Variants in LYZL1 observed in about 807,000 individuals in gnomAD.
The protein encoded by LYZL1 is lysozyme like 1.
Under a neutral mutation model 17.9 loss-of-function variants are expected in LYZL1, and 16 were observed. That is an observed-to-expected ratio of 0.90 (90% confidence interval 0.61 to 1.36). The LOEUF is 1.36. LYZL1 is among the 40% of genes most tolerant of loss of function. The pLI is 0.00. For synonymous variants in LYZL1, 58 were observed against 71.8 expected (o/e 0.81, Z 0.97); for missense variants, 149 against 188.4 (o/e 0.79, Z 1.22).
intron 1 of LYZL1, among the ~76,000 whole-genome samples, chr10:29,289,864 G>C (rs2429504): frequency 0.63 from 96,020 of 152,030 alleles, 30,514 homozygotes; most frequent in East Asian, 0.8. Context: ...CACAATTACT[G>C]AACTCTGCCA....
chr10:29,293,134 C>CTTTTTTTTTTTTT (rs11453474), intron 3 of LYZL1, among the ~76,000 whole-genome samples: 11 of 121,038 alleles, frequency 9.1e-5, no homozygotes, highest in East Asian at 4.8e-4. Flanking sequence ...TTTCTTTTTT[C>CTTTTTTTTTTTTT]TTTTTTTTTT....
At chr10:29,296,451 C>T (rs907083939) in intron 3 of LYZL1, among the ~76,000 whole-genome samples, 1 of 152,178 alleles carries the variant, frequency 6.6e-6, no homozygotes, top group African/African-American at 2.4e-5. Flanking sequence ...TTAAAGTTCA[C>T]TTAAGGAGTA....
At chr10:29,293,208 T>C (rs560278129) in intron 3 of LYZL1, among the ~76,000 whole-genome samples, 3 of 143,280 alleles carry the variant, frequency 2.1e-5, no homozygotes, top group African/African-American at 7.5e-5. Flanking sequence ...TCATAGCTCA[T>C]TGCAGTCTTG....
intron 3 of LYZL1, among the ~76,000 whole-genome samples, chr10:29,304,912 A>G (rs1347097449): frequency 6.6e-6 from 1 of 152,166 alleles, no homozygotes; most frequent in African/African-American, 2.4e-5. Context: ...GGAGACAAAC[A>G]ACTGTACTCG....
intron 3 of LYZL1, 83 bp downstream of exon 3, chr10:29,292,760 T>C: frequency 6.5e-7 from 1 of 1,530,234 alleles, no homozygotes; most frequent in African/African-American, 1.4e-5. Flanking sequence ...TGTCTTGCTT[T>C]AACTAAAATT....
downstream of LYZL1, among the ~76,000 whole-genome samples, chr10:29,312,293 C>A (rs59422347): frequency 0.084 from 12,717 of 152,152 alleles, 614 homozygotes; most frequent in South Asian, 0.13. Flanking sequence ...TTGTCAAACC[C>A]ATGGCCTATG....
chr10:29,317,141 A>G (rs867797906), intron 3 of LYZL1, among the ~76,000 whole-genome samples: 17 of 152,180 alleles, frequency 1.1e-4, no homozygotes, highest in African/African-American at 4.1e-4. Context: ...CACATGACAC[A>G]TAGGAACAGC....
intron 3 of LYZL1, among the ~76,000 whole-genome samples, chr10:29,308,196 A>T (rs1235387925): frequency 1.3e-5 from 2 of 152,220 alleles, no homozygotes; most frequent in Non-Finnish European, 2.9e-5. Flanking sequence ...ATGAGCAGAC[A>T]GTACCTGCCA....
intron 1 of LYZL1, among the ~76,000 whole-genome samples, chr10:29,291,370 GGTGGAGGA>G (rs1181563503): frequency 2.6e-5 from 4 of 151,768 alleles, no homozygotes; most frequent in African/African-American, 9.7e-5. Context: ...AGCAGGCTGA[GGTGGAGGA>G]GGAAGAGGAG....
chr10:29,308,680 G>A (rs116455558), intron 3 of LYZL1, among the ~76,000 whole-genome samples: 2,795 of 152,346 alleles, frequency 0.018, 49 homozygotes, highest in South Asian at 0.08. Context: ...AATGTAATAA[G>A]TGGCCAGGCA....
intron 3 of LYZL1, among the ~76,000 whole-genome samples, chr10:29,298,984 G>C (rs1835481684): frequency 6.6e-6 from 1 of 152,284 alleles, no homozygotes; most frequent in Admixed American, 6.5e-5. Context: ...TGGGAGCCCT[G>C]AGCTGATTTT....
At chr10:29,292,390 C>G in intron 2 of LYZL1, 129 bp from the exon 3 acceptor site, 1 of 1,424,216 alleles carries the variant, frequency 7.0e-7, no homozygotes, top group Non-Finnish European at 9.4e-7. Flanking sequence ...CGCATGCCCG[C>G]CCTGCCCTGC....
chr10:29,311,517 A>G (rs1200156265), downstream of LYZL1, among the ~76,000 whole-genome samples: 1 of 151,980 alleles, frequency 6.6e-6, no homozygotes, highest in Non-Finnish European at 1.5e-5. Flanking sequence ...ATGCCCACCC[A>G]CAAGCCTAGA....
intron 3 of LYZL1, among the ~76,000 whole-genome samples, chr10:29,293,784 C>A (rs2132816544): frequency 6.6e-6 from 1 of 151,966 alleles, no homozygotes; most frequent in South Asian, 2.1e-4. Flanking sequence ...ACCAGCCTGA[C>A]CAACACGGTG....
chr10:29,290,843 A>T (rs910392465), intron 1 of LYZL1, among the ~76,000 whole-genome samples: 26 of 152,108 alleles, frequency 1.7e-4, no homozygotes, highest in African/African-American at 4.6e-4. Flanking sequence ...CATCTCAAAA[A>T]ATAAATAAAT....
chr10:29,311,656 C>T (rs189851168), downstream of LYZL1, among the ~76,000 whole-genome samples: 1 of 152,220 alleles, frequency 6.6e-6, no homozygotes, highest in Admixed American at 6.5e-5. Context: ...CTGCATTTTC[C>T]AAGTTTTTCC....
At chr10:29,292,933 C>T (rs1467870209) in intron 3 of LYZL1, among the ~76,000 whole-genome samples, 1 of 152,172 alleles carries the variant, frequency 6.6e-6, no homozygotes, top group Non-Finnish European at 1.5e-5. Context: ...ACAAACAACC[C>T]TACTGCCCTT....
chr10:29,310,150 C>A lies in LYZL1; in HGVS notation c.339C>A (p.Ala113=), dbSNP rs377200821. ...TDDLTDAIIC[A]RKIVKETQGM... is the part of the protein sequence containing the mutation. ...ACCTCACAGATGCAATTATCTGTGC[C>A]AGGAAAATTGTTAAAGAGACACAAG... Residue 113 remains alanine, a synonymous_variant, in exon 4 of 5, where the codon GCC becomes GCA. Coordinates refer to ENST00000649382, the MANE Select transcript of LYZL1 (RefSeq NM_032517.6). 5 of 1,612,252 alleles carry A rather than the reference C, an allele frequency of 3.1e-6. No individual in the cohort carries two copies. Among genetic ancestry groups the A allele is most frequent in the Non-Finnish European group, 4.2e-6 (5 of 1,178,590 alleles).
chr10:29,314,222 G>A (rs139177459), downstream of LYZL1, among the ~76,000 whole-genome samples: 403 of 152,316 alleles, frequency 2.6e-3, no homozygotes, highest in African/African-American at 9.5e-3. Flanking sequence ...CATGGCTGGT[G>A]TGTGCTGTAG....
Sources: allele counts gnomAD v4.1 joint callset (sites outside exome capture counted in the v4.1 genomes callset), GRCh38; gene constraint gnomAD v4.1.1; transcripts MANE v1.5; gene names NCBI Gene and HGNC (gene_info 2026-07-23, HGNC 2026-07-21).